The following NRXN2 variants were observed in gnomAD, a reference collection of about 807,000 sequenced individuals.
NRXN2 encodes the protein neurexin-2-beta.
Under a neutral mutation model 128.8 loss-of-function variants are expected in NRXN2, and 29 were observed. The ratio of observed to expected loss-of-function variants is 0.23; its 90% CI spans 0.17 to 0.31. The LOEUF (loss-of-function observed/expected upper bound fraction) is 0.31. NRXN2 is among the 10% of genes least tolerant of loss of function. The pLI is 1.00. For missense variants in NRXN2, 1,881 were observed against 2,452.6 expected, an observed-to-expected ratio of 0.77 and a Z score of 4.92; for synonymous variants, 1,098 against 1,075.2, an observed-to-expected ratio of 1.02 and a Z score of -0.41.
intron 17 of NRXN2, chr11:64,642,542 G>A (rs1292732029): frequency 6.2e-7 from 1 of 1,608,812 alleles, no homozygotes. Context: ...CACTTACCGT[G>A]GCCGCCGCGG....
At chr11:64,680,869 G>A (rs987114536) in intron 6 of NRXN2, among the ~76,000 whole-genome samples, 1 of 152,108 alleles carries the variant, frequency 6.6e-6, no homozygotes, top group Non-Finnish European at 1.5e-5. Flanking sequence ...GGCTGAGGTA[G>A]GTGGATCACT....
chr11:64,677,127 G>C, intron 6 of NRXN2, 90 bp from the exon 7 acceptor site: 1 of 909,100 alleles, frequency 1.1e-6, no homozygotes, highest in Non-Finnish European at 1.7e-6. Context: ...GAAAAGAAAA[G>C]AAAAATAAAA....
At chr11:64,663,728 G>C (rs2049379823) in intron 9 of NRXN2, among the ~76,000 whole-genome samples, 2 of 152,146 alleles carry the variant, frequency 1.3e-5, no homozygotes, top group African/African-American at 2.4e-5. Context: ...GTCAACAAGA[G>C]GAAGCCATAG....
At chr11:64,687,761 C>T (rs923322217) in intron 5 of NRXN2, among the ~76,000 whole-genome samples, 24 of 151,988 alleles carry the variant, frequency 1.6e-4, no homozygotes, top group African/African-American at 2.7e-4. Flanking sequence ...GGGATGAGCG[C>T]GGCTATCTGG....
chr11:64,695,443 C>A (rs979925361), intron 3 of NRXN2, among the ~76,000 whole-genome samples: 1 of 151,902 alleles, frequency 6.6e-6, no homozygotes, highest in Non-Finnish European at 1.5e-5. Context: ...GGGAAGAAGG[C>A]GAAGGTACAG....
intron 2 of NRXN2, among the ~76,000 whole-genome samples, chr11:64,703,297 A>C (rs1473952029): frequency 6.6e-6 from 1 of 152,142 alleles, no homozygotes; most frequent in Admixed American, 6.5e-5. Flanking sequence ...AACACTTTGC[A>C]TATACTGAGC....
chr11:64,612,896 A>T (rs2040888256), intron 22 of NRXN2, among the ~76,000 whole-genome samples: 1 of 152,232 alleles, frequency 6.6e-6, no homozygotes. Context: ...CCTTCATGCA[A>T]TATTGGAAAA....
chr11:64,614,854 GT>G (rs2041229966), intron 22 of NRXN2, among the ~76,000 whole-genome samples: 2 of 152,256 alleles, frequency 1.3e-5, no homozygotes, highest in African/African-American at 4.8e-5. Context: ...ACTGGATGCG[GT>G]GGGCCACCAT....
intron 5 of NRXN2, among the ~76,000 whole-genome samples, chr11:64,689,482 C>T (rs1411485972): frequency 6.6e-6 from 1 of 152,128 alleles, no homozygotes; most frequent in Non-Finnish European, 1.5e-5. Flanking sequence ...TAACAGAGCC[C>T]ATTGGCTCAT....
Position 64,622,906 on chromosome 11 carries a change from C to G in NRXN2, c.4020G>C (p.Val1340=), listed in dbSNP as rs745359054. 8 of 1,613,206 alleles carry G rather than the reference C, an allele frequency of 5.0e-6. No homozygotes were observed. Among genetic ancestry groups the G allele is most frequent in the Non-Finnish European group, 5.1e-6 (6 of 1,179,820 alleles). The change falls in exon 21 of 23, where the codon GTG becomes GTC. Residue 1340 remains valine (V), a synonymous_variant. Coordinates refer to ENST00000265459, the MANE Select transcript of NRXN2 (RefSeq NM_015080.4). This position sits in a 1 kb window ranked among gnomAD's most constrained non-coding sequence, Gnocchi z 4.3. ...TGAGCAGCACGGACGGCCCCTCCCCCACCAGGCGCAGGTGACCCTCAGTCC... is the reference window on the plus strand; with the variant it reads ...TGAGCAGCACGGACGGCCCCTCCCCGACCAGGCGCAGGTGACCCTCAGTCC... ...NVRTEGHLRL[V]GEGPSVLLSA...
intron 9 of NRXN2, among the ~76,000 whole-genome samples, chr11:64,665,664 C>T (rs1270376740): frequency 6.6e-6 from 1 of 152,198 alleles, no homozygotes; most frequent in Non-Finnish European, 1.5e-5. Flanking sequence ...CCCAGAGCCA[C>T]AGGGGCCCCT....
Position 64,660,565 on chromosome 11 carries a change from G to A in NRXN2, c.2186-30C>T, listed in dbSNP as rs367683149. ...CCACAGGAGTTGGGGAAGAGGGAAGGAGAAGACAGGCAGAGGCCAGGGGAG... is the reference window on the plus strand; with the variant it reads ...CCACAGGAGTTGGGGAAGAGGGAAGAAGAAGACAGGCAGAGGCCAGGGGAG... On this transcript the variant is annotated intron_variant, in intron 10 of 22. Transcript: ENST00000265459. This position sits in a 1 kb window ranked among gnomAD's most constrained non-coding sequence, Gnocchi z 5.2. 21 of 1,610,958 alleles carry A rather than the reference G, an allele frequency of 1.3e-5. No individual in the cohort carries two copies. The African/African-American group carries it at 2.3e-4, about 17-fold the overall frequency.
chr11:64,695,859 C>A (rs1255493701), intron 3 of NRXN2, among the ~76,000 whole-genome samples: 1 of 152,078 alleles, frequency 6.6e-6, no homozygotes, highest in African/African-American at 2.4e-5. Flanking sequence ...CGTCCACAGG[C>A]CTCCTTCCCC....
chr11:64,628,796 C>T (rs539999452), intron 19 of NRXN2, among the ~76,000 whole-genome samples: 2 of 152,144 alleles, frequency 1.3e-5, no homozygotes, highest in Admixed American at 6.5e-5. Flanking sequence ...TGTTGGGGGG[C>T]GTGGGGGATA....
chr11:64,667,816 AC>A lies in NRXN2; in HGVS notation c.1360-129del. The A allele has an allele frequency of 1.2e-6, 1 of 826,930 alleles. No homozygotes were observed. Among genetic ancestry groups the A allele is most frequent in the Non-Finnish European group, 2.0e-6 (1 of 498,054 alleles). 51.2% of individuals were successfully genotyped at this position (826,930 alleles called of 1,614,324 possible). On this transcript the variant is annotated intron_variant, in intron 8 of 22. Transcript: ENST00000265459. This position sits in a 1 kb window ranked among gnomAD's most constrained non-coding sequence, Gnocchi z 5.6. ...TGTAGCCCCTGCTCAGTTCCACCAGACCACCCGCTTAGGCCTCTGTTCTACA... is the reference window on the plus strand; with the variant it reads ...TGTAGCCCCTGCTCAGTTCCACCAGACACCCGCTTAGGCCTCTGTTCTACA...
chr11:64,668,669 T>C, intron 7 of NRXN2, 65 bp from the exon 8 acceptor site: 1 of 1,593,002 alleles, frequency 6.3e-7, no homozygotes, highest in Non-Finnish European at 8.6e-7. Flanking sequence ...TAGGAAGAGC[T>C]ACGGCTAGGC....
Position 64,607,857 on chromosome 11 carries a change from G to A in NRXN2, c.4478C>T (p.Ser1493Leu). The change falls in exon 23 of 23, where the codon TCG becomes TTG. Residue 1493 changes from serine (S) to leucine (L), a missense_variant. Ser to Leu is a moderately radical substitution (Grantham distance 145, BLOSUM62 -2). Transcript: ENST00000265459. ...AAAGACCTCCCCGGAGGCGAAGCCC[G>A]AGGCCTCGATGGGCTCCTCGCAGTC... ...DSDCEEPIEA[S>L]GFASGEVFDS... The A allele has an allele frequency of 1.3e-6, 2 of 1,595,726 alleles. No individual in the cohort carries two copies. Among genetic ancestry groups the A allele is most frequent in the Non-Finnish European group, 1.7e-6 (2 of 1,171,804 alleles).
chr11:64,660,608 CA>C lies in NRXN2; in HGVS notation c.2186-74del. ...CAGGGGAGGGAGAAGACCAGAGAAT[CA>C]TTACAAGGGCGAAAAGCCTAGGGCA... On this transcript the variant is annotated intron_variant, in intron 10 of 22. Transcript: ENST00000265459. This position sits in a 1 kb window ranked among gnomAD's most constrained non-coding sequence, Gnocchi z 5.2. 1 of 1,593,912 alleles carries C rather than the reference CA, an allele frequency of 6.3e-7. No individual in the cohort carries two copies. Among genetic ancestry groups the C allele is most frequent in the South Asian group, 1.1e-5 (1 of 90,540 alleles).
chr11:64,688,714 A>G (rs1479012074), intron 5 of NRXN2: 1 of 985,120 alleles, frequency 1.0e-6, no homozygotes, highest in Non-Finnish European at 1.2e-6. Flanking sequence ...ACAGTTGGGG[A>G]GTCTGTAGCC....
Sources: allele counts gnomAD v4.1 joint callset (sites outside exome capture counted in the v4.1 genomes callset), GRCh38; gene constraint gnomAD v4.1.1; non-coding constraint Gnocchi (gnomAD v3.1); transcripts MANE v1.5; gene names NCBI Gene and HGNC (gene_info 2026-07-23, HGNC 2026-07-21).